WSCD1: variants seen among roughly 807,000 people sequenced by gnomAD.
WSCD1 encodes sialate:O-sulfotransferase 1.
A neutral mutation model predicts 60.4 loss-of-function variants in WSCD1; 41 were observed. The ratio of observed to expected loss-of-function variants is 0.68; its 90% CI spans 0.53 to 0.88. WSCD1 has a LOEUF of 0.88. Ranked by LOEUF, WSCD1 falls within the 40% of genes least tolerant of loss-of-function variation. The probability of loss-of-function intolerance (pLI) is 0.00; values close to 1 mark genes in which losing one functional copy is unlikely to be tolerated. For missense variants in WSCD1, 784 were observed against 796.2 expected (o/e 0.98, Z 0.18); for synonymous variants, 361 against 332.5 (o/e 1.09, Z -0.93).
rs913961081 is a variant in WSCD1, at chr17:6,075,040, G to C, written c.-289+4388G>C. Among the ~76,000 whole-genome samples, 8 of 152,124 alleles carry C rather than the reference G, an allele frequency of 5.3e-5. No individual in the cohort carries two copies. Among genetic ancestry groups the C allele is most frequent in the African/African-American group, 1.9e-4 (8 of 41,420 alleles). On this transcript the variant is annotated intron_variant, in intron 1 of 8. Transcript: ENST00000317744. This position sits in a 1 kb window ranked among gnomAD's most constrained non-coding sequence, Gnocchi z 4.1. ...TACTCTGCCCGGGTCCTGAAGCTGA[G>C]ACCCCCTGGCTGCCAGTCACTGAGG...
At chr17:6,083,629 A>T (rs1476857732) in intron 2 of WSCD1, among the ~76,000 whole-genome samples, 1 of 152,072 alleles carries the variant, frequency 6.6e-6, no homozygotes. Context: ...AAATACAAAA[A>T]TTAGCCAGGC....
chr17:6,081,142 C>G (rs1222693248), intron 2 of WSCD1, 57 bp downstream of exon 2: 1 of 1,483,258 alleles, frequency 6.7e-7, no homozygotes, highest in African/African-American at 1.4e-5. Context: ...TTCAGGGTCA[C>G]AGGTTTGGTG....
intron 7 of WSCD1, among the ~76,000 whole-genome samples, chr17:6,112,598 C>T (rs1911468955): frequency 6.6e-6 from 1 of 151,970 alleles, no homozygotes; most frequent in Non-Finnish European, 1.5e-5. Flanking sequence ...TAAATGAATT[C>T]AGTAAAGTTA....
chr17:6,085,492 G>A (rs1909574335), intron 2 of WSCD1, among the ~76,000 whole-genome samples: 1 of 152,190 alleles, frequency 6.6e-6, no homozygotes, highest in Non-Finnish European at 1.5e-5. Flanking sequence ...AGATGGGGAA[G>A]TTGAGGCTCA....
chr17:6,079,199 C>T (rs1327643841), intron 1 of WSCD1, among the ~76,000 whole-genome samples: 1 of 152,224 alleles, frequency 6.6e-6, no homozygotes, highest in Non-Finnish European at 1.5e-5. Context: ...CATTGTCCTT[C>T]CTCTCACACC....
chr17:6,115,457 A>T (rs4312359), intron 7 of WSCD1, among the ~76,000 whole-genome samples: 149,667 of 152,362 alleles, frequency 0.98, 73,557 homozygotes, highest in East Asian at 1. Flanking sequence ...ATGGCTGAAG[A>T]CTGTGTTTTG....
chr17:6,079,047 G>A (rs1454084567), intron 1 of WSCD1, among the ~76,000 whole-genome samples: 2 of 152,182 alleles, frequency 1.3e-5, no homozygotes, highest in South Asian at 2.1e-4. Flanking sequence ...AGGACCAGCC[G>A]ACCCAGATTT....
At chr17:6,074,801 T>G (rs2150525882) in intron 1 of WSCD1, among the ~76,000 whole-genome samples, 1 of 152,336 alleles carries the variant, frequency 6.6e-6, no homozygotes, top group East Asian at 1.9e-4. Flanking sequence ...CAGGGCTTGC[T>G]TGTCAATCCC....
chr17:6,101,361 A>G lies in WSCD1; in HGVS notation c.849+6138A>G, dbSNP rs1910789447. Among the ~76,000 whole-genome samples the G allele has an allele frequency of 1.3e-5, 2 of 152,256 alleles. No homozygotes were observed. The highest frequency in any genetic ancestry group is 2.1e-4 in the South Asian group (1 of 4,814). On this transcript the variant is annotated intron_variant, in intron 5 of 8. Transcript: ENST00000317744. This position sits in a 1 kb window ranked among gnomAD's most constrained non-coding sequence, Gnocchi z 4.1. ...ATGGGGCAGAGCTGAGCCTGGGGGTAGGAAGCTAGGGGCTTAATTAGAGCT... is the reference window on the plus strand; with the variant it reads ...ATGGGGCAGAGCTGAGCCTGGGGGTGGGAAGCTAGGGGCTTAATTAGAGCT...
chr17:6,089,731 C>T (rs1909899573), intron 3 of WSCD1, among the ~76,000 whole-genome samples: 1 of 152,196 alleles, frequency 6.6e-6, no homozygotes, highest in Admixed American at 6.5e-5. Flanking sequence ...CTGTCGCATA[C>T]TGAGAACCAG....
intron 1 of WSCD1, among the ~76,000 whole-genome samples, chr17:6,076,688 T>G (rs576566404): frequency 6.6e-6 from 1 of 152,344 alleles, no homozygotes; most frequent in African/African-American, 2.4e-5. Flanking sequence ...AGGTTTACTG[T>G]CATGGACAGC....
At chr17:6,109,495 C>T (rs746765557) in intron 5 of WSCD1, 112 bp from the exon 6 acceptor site, 6 of 1,445,036 alleles carry the variant, frequency 4.2e-6, no homozygotes, top group Non-Finnish European at 4.7e-6. Context: ...CTGTGGATTC[C>T]ATACAGATAC....
At chr17:6,087,786 A>C (rs1044596294) in intron 2 of WSCD1, among the ~76,000 whole-genome samples, 4 of 152,200 alleles carry the variant, frequency 2.6e-5, no homozygotes, top group African/African-American at 9.6e-5. Context: ...AAAAAGAGAA[A>C]ATGGGCAGGA....
intron 5 of WSCD1, among the ~76,000 whole-genome samples, chr17:6,100,112 A>T (rs1447467904): frequency 6.6e-6 from 1 of 152,098 alleles, no homozygotes; most frequent in Non-Finnish European, 1.5e-5. Flanking sequence ...AGAGCTAATA[A>T]AGAAGGGAGT....
At chr17:6,105,782 C>T (rs1052649018) in intron 5 of WSCD1, among the ~76,000 whole-genome samples, 1 of 152,182 alleles carries the variant, frequency 6.6e-6, no homozygotes, top group African/African-American at 2.4e-5. Flanking sequence ...GAGACGGAGC[C>T]AGCGTGCCTT....
chr17:6,072,199 G>A (rs971466601), intron 1 of WSCD1, among the ~76,000 whole-genome samples: 1 of 152,254 alleles, frequency 6.6e-6, no homozygotes, highest in African/African-American at 2.4e-5. Context: ...GTGAAGAGAA[G>A]CTGGGATAAG....
At chr17:6,081,391 A>C (rs751084438) in intron 2 of WSCD1, among the ~76,000 whole-genome samples, 10 of 151,792 alleles carry the variant, frequency 6.6e-5, no homozygotes, top group Non-Finnish European at 1.5e-4. Context: ...AATCTCAGAG[A>C]ATCTAGTAGG....
intron 1 of WSCD1, among the ~76,000 whole-genome samples, chr17:6,072,796 C>A (rs1908622628): frequency 6.6e-6 from 1 of 152,308 alleles, no homozygotes; most frequent in Middle Eastern, 3.4e-3. Context: ...ATGGCTTTGA[C>A]AATCGTGCTG....
At chr17:6,096,939 G>C (rs907890886) in intron 5 of WSCD1, among the ~76,000 whole-genome samples, 2 of 152,204 alleles carry the variant, frequency 1.3e-5, no homozygotes, top group Non-Finnish European at 2.9e-5. Flanking sequence ...GCCTTCCTGC[G>C]GGGGGTTATC....
Sources: gnomAD v4.1 joint callset for allele counts (sites outside exome capture counted in the v4.1 genomes callset) on GRCh38, gnomAD v4.1.1 for gene constraint, Gnocchi (gnomAD v3.1) non-coding constraint, MANE v1.5 for transcripts, NCBI Gene and HGNC (gene_info 2026-07-23, HGNC 2026-07-21) for gene names.